Variants in CHRNA3 observed in about 807,000 individuals in gnomAD.
The protein encoded by CHRNA3 is neuronal acetylcholine receptor subunit alpha-3.
In CHRNA3, 34 loss-of-function variants were observed where a neutral mutation model predicts 41.9. The observed-to-expected ratio is 0.81, with a 90% CI of 0.62 to 1.08. The LOEUF (loss-of-function observed/expected upper bound fraction) is 1.08. Among genes scored for constraint, CHRNA3 ranks in the 50% least tolerant of loss-of-function variants. CHRNA3 has a pLI of 0.00. For missense variants in CHRNA3, 542 were observed against 638.3 expected, an observed-to-expected ratio of 0.85 and a Z score of 1.63; for synonymous variants, 281 against 265.2, an observed-to-expected ratio of 1.06 and a Z score of -0.58.
At chr15:78,598,069 G>A (rs1419499721) in intron 5 of CHRNA3, among the ~76,000 whole-genome samples, 1 of 152,130 alleles carries the variant, frequency 6.6e-6, no homozygotes, top group African/African-American at 2.4e-5. Flanking sequence ...ACCTCCTAAG[G>A]CTCTAGGAGG....
At chr15:78,609,071 G>C (rs1212275574) in intron 4 of CHRNA3, among the ~76,000 whole-genome samples, 1 of 152,202 alleles carries the variant, frequency 6.6e-6, no homozygotes, top group Non-Finnish European at 1.5e-5. Context: ...AGAAATATGG[G>C]ACTATGTGAA....
chr15:78,615,626 T>C (rs976928051), intron 4 of CHRNA3, among the ~76,000 whole-genome samples: 2 of 151,138 alleles, frequency 1.3e-5, no homozygotes, highest in Non-Finnish European at 2.9e-5. Flanking sequence ...AGTGTTTCTG[T>C]GGGGCAGGAC....
In CHRNA3 at chr15:78,601,336, CAG is replaced by C. The variant is rs1180803354; in HGVS notation, c.1304_1305del (p.Ser435CysfsTer18). 6.2e-7 allele frequency: 1 copy of C among 1,614,044 alleles called. No homozygotes were observed. The highest frequency in any genetic ancestry group is 2.2e-5 in the East Asian group (1 of 44,896). On this transcript the variant is annotated frameshift_variant, in exon 5 of 6. Transcript: ENST00000326828. LOFTEE classifies it high-confidence loss of function. ...GCTTCTTTGATTTCTGGTGACAAAG[CAG>C]AGAGGGACAGCACAGCATCAACAGA... is the stretch of plus-strand genomic sequence containing the variant. Reference protein sequence around the residue: ...SESVDAVLSLSALSPEIKEAI... With the variant: ...SESVDAVLSLXALSPEIKEAI...
At chr15:78,605,567 G>T (rs540677235) in intron 4 of CHRNA3, among the ~76,000 whole-genome samples, 20 of 152,292 alleles carry the variant, frequency 1.3e-4, no homozygotes, top group Non-Finnish European at 2.6e-4. Flanking sequence ...AACAGAGAGG[G>T]CTCCACAGGT....
rs1025690458 is a variant in CHRNA3 at position 78,596,429 on chromosome 15, A to C, written c.*175T>G. ...TTAAATGTTCATTTATCGGTAATAA[A>C]TACTCTTGACATTTTTTTTTTTGCA... On this transcript the variant is annotated 3_prime_UTR_variant, in exon 6 of 6. Coordinates refer to ENST00000326828, the MANE Select transcript of CHRNA3 (RefSeq NM_000743.5). 7.8e-7 allele frequency: 1 copy of C among 1,286,814 alleles called. No individual in the cohort carries two copies. Among genetic ancestry groups the C allele is most frequent in the African/African-American group, 1.7e-5 (1 of 60,298 alleles). The allele number at this position is 1,286,814 out of a possible 1,614,324, so 79.7% of individuals were successfully genotyped here.
chr15:78,619,508 C>T (rs2053517240), intron 1 of CHRNA3, among the ~76,000 whole-genome samples: 1 of 152,070 alleles, frequency 6.6e-6, no homozygotes, highest in Non-Finnish European at 1.5e-5. Flanking sequence ...TTCTACCTCC[C>T]AGCCTCCGGG....
chr15:78,620,598 G>A (rs2141349075), intron 1 of CHRNA3, 115 bp downstream of exon 1: 3 of 1,371,094 alleles, frequency 2.2e-6, no homozygotes, highest in Non-Finnish European at 2.8e-6. Context: ...AGTCCCCGGC[G>A]ACGGCGCCAG....
intron 4 of CHRNA3, among the ~76,000 whole-genome samples, chr15:78,606,691 C>G (rs969237249): frequency 6.6e-6 from 1 of 150,986 alleles, no homozygotes; most frequent in African/African-American, 2.4e-5. Context: ...GTCAGGAGAT[C>G]GAGACCATCC....
chr15:78,604,121 G>A (rs764848625), intron 4 of CHRNA3, among the ~76,000 whole-genome samples: 42 of 152,074 alleles, frequency 2.8e-4, no homozygotes, highest in Non-Finnish European at 4.7e-4. Context: ...GGCAAGCTGT[G>A]GTCCTCTTTC....
rs779471990 is a variant in CHRNA3, at chr15:78,601,778, C to G, written c.864G>C (p.Leu288=). The part of the protein sequence containing the change: ...SVLLSLTVFL[L]VITETIPSTS... ...TGGAAGGGATGGTCTCAGTGATCAC[C>G]AGGAGAAACACCGTCAGGGAGAGGA... is the stretch of plus-strand genomic sequence containing the variant. Residue 288 remains leucine, a synonymous_variant, in exon 5 of 6, where the codon CTG becomes CTC. Coordinates refer to ENST00000326828, the MANE Select transcript of CHRNA3 (RefSeq NM_000743.5). The G allele has an allele frequency of 3.1e-6, 5 of 1,613,944 alleles. No homozygotes were observed. The highest frequency in any genetic ancestry group is 1.3e-5 in the African/African-American group (1 of 74,872).
Position 78,620,725 on chromosome 15 carries a change from A to ACAGCAGCAG in CHRNA3, c.61_69dup (p.Leu21_Leu23dup), listed in dbSNP as rs60706203. On this transcript the variant is annotated inframe_insertion, in exon 1 of 6. Transcript: ENST00000326828. ...CCTGTGCGCGTACCTGGCAGCAGAG[A>ACAGCAGCAG]CAGCAGCAGCAGCAGCAGCAGCCGC... 7.5e-6 allele frequency: 11 copies of ACAGCAGCAG among 1,462,708 alleles called. No homozygotes were observed. Among genetic ancestry groups the ACAGCAGCAG allele is most frequent in the South Asian group, 6.4e-5 (5 of 78,622 alleles). The allele number at this position is 1,462,708 out of a possible 1,614,324, so 90.6% of individuals were successfully genotyped here. A position where few individuals can be genotyped will look rare whatever the true frequency, so the allele number is the denominator to read the frequency against.
intron 4 of CHRNA3, among the ~76,000 whole-genome samples, chr15:78,616,385 G>A (rs999805419): frequency 7.9e-5 from 9 of 113,964 alleles, no homozygotes; most frequent in Admixed American, 2.7e-4. Flanking sequence ...AAGCTCCTTG[G>A]TAACCATGCC....
intron 5 of CHRNA3, among the ~76,000 whole-genome samples, chr15:78,597,341 G>C (rs981127589): frequency 2.0e-5 from 3 of 152,210 alleles, no homozygotes; most frequent in Non-Finnish European, 4.4e-5. Context: ...TGAGGCATGA[G>C]AATTTCTTGA....
Position 78,602,015 on chromosome 15 carries a change from G to C in CHRNA3, c.627C>G (p.Ile209Met), listed in dbSNP as rs55958820. The change falls in exon 5 of 6, where the codon ATC (isoleucine) becomes ATG (methionine). Residue 209 changes from isoleucine (I) to methionine (M), a missense_variant. Transcript: ENST00000326828. ...KDYWESGEWA[I>M]IKAPGYKHDI... ...CGTGTTTGTAGCCTGGGGCTTTGAT[G>C]ATGGCCCACTCGCCGCTCTCCCAAT... 44 of 1,613,460 alleles carry C rather than the reference G, an allele frequency of 2.7e-5. No individual in the cohort carries two copies. Among genetic ancestry groups the C allele is most frequent in the Middle Eastern group, 3.3e-4 (2 of 6,060 alleles).
rs80103354 is a variant in CHRNA3, at chr15:78,616,209, C to T, written c.377+815G>A. 9.0e-3 allele frequency among the ~76,000 whole-genome samples: 1,362 copies of T among 151,792 alleles called. 139 individuals carry two copies. In the East Asian group the frequency reaches 0.24, roughly 27 times the overall value. On this transcript the variant is annotated intron_variant, in intron 4 of 5. Coordinates refer to ENST00000326828, the MANE Select transcript of CHRNA3 (RefSeq NM_000743.5). ...CTCTACTGAAAAATACAAAATTAGC[C>T]AGGTGTGGCAGCACGTGCCTGTAAT...
intron 4 of CHRNA3, among the ~76,000 whole-genome samples, chr15:78,605,938 TCTC>T (rs1444223598): frequency 6.6e-6 from 1 of 152,112 alleles, no homozygotes; most frequent in Non-Finnish European, 1.5e-5. Flanking sequence ...ACTACCGTCT[TCTC>T]CTATTCCCCC....
downstream of CHRNA3, chr15:78,593,914 C>A: frequency 6.6e-6 from 1 of 152,336 alleles, no homozygotes; most frequent in Non-Finnish European, 1.5e-5. Context: ...TGGTGCACAC[C>A]TGTAATCCCA....
At chr15:78,598,457 C>T (rs1288088112) in intron 5 of CHRNA3, among the ~76,000 whole-genome samples, 1 of 150,972 alleles carries the variant, frequency 6.6e-6, no homozygotes, top group East Asian at 1.9e-4. Flanking sequence ...TGCAGGGGTG[C>T]AATCATGGCT....
intron 4 of CHRNA3, among the ~76,000 whole-genome samples, chr15:78,604,906 G>A (rs1020895455): frequency 1.3e-5 from 2 of 152,044 alleles, no homozygotes; most frequent in Non-Finnish European, 2.9e-5. Context: ...CCAGCTACTC[G>A]GGAGGCTGAG....
Sources: gnomAD v4.1 joint callset for allele counts (sites outside exome capture counted in the v4.1 genomes callset) on GRCh38, gnomAD v4.1.1 for gene constraint, MANE v1.5 for transcripts, NCBI Gene and HGNC (gene_info 2026-07-23, HGNC 2026-07-21) for gene names.